Variants in CA12 observed in about 807,000 individuals in gnomAD.
CA12 encodes the protein carbonic anhydrase 12.
In CA12, 36 loss-of-function variants were observed where a neutral mutation model predicts 46.8. The ratio of observed to expected loss-of-function variants is 0.77; its 90% CI spans 0.59 to 1.02. The LOEUF (loss-of-function observed/expected upper bound fraction) is 1.02. CA12 is among the 50% of genes least tolerant of loss of function. The probability of loss-of-function intolerance (pLI) is 0.00; values close to 1 mark genes in which losing one functional copy is unlikely to be tolerated. For synonymous variants in CA12, 202 were observed against 187.0 expected (o/e 1.08, Z -0.65); for missense variants, 436 against 451.4 (o/e 0.97, Z 0.31).
In CA12 at chr15:63,327,988, A is replaced by G; in HGVS notation, c.907+110T>C. The G allele has an allele frequency of 1.9e-6, 2 of 1,029,274 alleles. No individual in the cohort carries two copies. The highest frequency in any genetic ancestry group is 3.1e-6 in the Non-Finnish European group (2 of 655,434). 63.8% of individuals were successfully genotyped at this position (1,029,274 alleles called of 1,614,324 possible). On this transcript the variant is annotated intron_variant, in intron 9 of 10. Transcript: ENST00000178638. This position sits in a 1 kb window ranked among gnomAD's most constrained non-coding sequence, Gnocchi z 4.5. ...TAAGACCCATAGCAAGGAGAGGGCC[A>G]GGAGCCAGAGCAATAGTACAGAGAA...
intron 2 of CA12, among the ~76,000 whole-genome samples, chr15:63,351,137 C>A (rs1341842685): frequency 6.6e-6 from 1 of 152,184 alleles, no homozygotes; most frequent in Non-Finnish European, 1.5e-5. Context: ...TGTGTTATGG[C>A]CTAGATTACA....
In CA12 at chr15:63,369,695, C is replaced by A. The variant is rs531361142; in HGVS notation, c.106+5963G>T. 4.6e-5 allele frequency among the ~76,000 whole-genome samples: 7 copies of A among 152,304 alleles called. 1 individual carries two copies. Among genetic ancestry groups the A allele is most frequent in the African/African-American group, 1.7e-4 (7 of 41,562 alleles). On this transcript the variant is annotated intron_variant, in intron 2 of 10. Transcript: ENST00000178638. ...GATTCTCATCTTGTAGCTAAGGAACCAAGGCTCAGAGAGGTCATTACTTTC... is the reference window on the plus strand; with the variant it reads ...GATTCTCATCTTGTAGCTAAGGAACAAAGGCTCAGAGAGGTCATTACTTTC...
chr15:63,354,178 C>T (rs938949765), intron 2 of CA12, among the ~76,000 whole-genome samples: 6 of 152,040 alleles, frequency 3.9e-5, no homozygotes, highest in African/African-American at 7.2e-5. Flanking sequence ...AAACAGAGGG[C>T]GAGGAATCAA....
intron 8 of CA12, 29 bp downstream of exon 8, chr15:63,338,790 C>A (rs1481804552): frequency 1.2e-6 from 2 of 1,613,228 alleles, no homozygotes; most frequent in Admixed American, 1.7e-5. Flanking sequence ...ACTCCCGCAC[C>A]CCCTCCCCCC....
At chr15:63,335,646 A>G (rs1186721678) in intron 8 of CA12, among the ~76,000 whole-genome samples, 2 of 150,816 alleles carry the variant, frequency 1.3e-5, no homozygotes, top group East Asian at 3.9e-4. Context: ...ATGATTTTTT[A>G]AACATCACTT....
Position 63,340,381 on chromosome 15 carries a change from A to G in CA12, c.654T>C (p.Tyr218=). 3 of 1,614,144 alleles carry G rather than the reference A, an allele frequency of 1.9e-6. No homozygotes were observed. Among genetic ancestry groups the G allele is most frequent in the Non-Finnish European group, 2.5e-6 (3 of 1,180,006 alleles). The change falls in exon 7 of 11, where the codon TAT becomes TAC. Residue 218 remains tyrosine, a synonymous_variant. Transcript: ENST00000178638. This position sits in a 1 kb window ranked among gnomAD's most constrained non-coding sequence, Gnocchi z 4.4. Reference sequence around the variant, plus strand: ...TGGTCAGGGACCCCCGGTAGCGGTAATATTCAGCGGTCCTCTCCGGAAGCA... The same window carrying G: ...TGGTCAGGGACCCCCGGTAGCGGTAGTATTCAGCGGTCCTCTCCGGAAGCA... ...EELLPERTAE[Y]YRYRGSLTTP...
rs1322873236 is a variant in CA12 at position 63,381,787 on chromosome 15, G to T, written c.-67C>A. ...GCTCCCGGTGGCCGCTCGCTCTCCA[G>T]CTGCACACCGGGACCGCGTGCGCGC... On this transcript the variant is annotated 5_prime_UTR_variant, in exon 1 of 11. The change creates a new upstream start codon in the 5' untranslated region. Transcript: ENST00000178638. The T allele has an allele frequency of 1.8e-6, 2 of 1,126,008 alleles. No individual in the cohort carries two copies. Among genetic ancestry groups the T allele is most frequent in the Non-Finnish European group, 2.4e-6 (2 of 825,218 alleles). 69.8% of individuals were successfully genotyped at this position (1,126,008 alleles called of 1,614,324 possible).
intron 4 of CA12, among the ~76,000 whole-genome samples, chr15:63,343,153 A>G (rs1046091527): frequency 2.0e-5 from 3 of 150,876 alleles, no homozygotes; most frequent in East Asian, 1.9e-4. Flanking sequence ...CTAAGCCCCT[A>G]TTTCCTTTTA....
At chr15:63,357,100 G>A (rs141658239) in intron 2 of CA12, among the ~76,000 whole-genome samples, 86 of 152,066 alleles carry the variant, frequency 5.7e-4, no homozygotes, top group African/African-American at 2.0e-3. Flanking sequence ...TTATTTTCAC[G>A]GCACCCTTTA....
In CA12 at chr15:63,323,330, G is replaced by C. The variant is rs985139502; in HGVS notation, c.*2955C>G. ...CCATTAAGCAGCTTCGCGACCTGCA[G>C]CCACACATGCCATAGGCCTCCATCC... On this transcript the variant is annotated 3_prime_UTR_variant, in exon 11 of 11. Coordinates refer to ENST00000178638, the MANE Select transcript of CA12 (RefSeq NM_001218.5). The surrounding 1 kb of genome is among the most constrained non-coding windows in gnomAD (Gnocchi z 5.1). 6.6e-6 allele frequency: 1 copy of C among 152,170 alleles called. No homozygotes were observed. The highest frequency in any genetic ancestry group is 6.5e-5 in the Admixed American group (1 of 15,274). The allele number at this position is 152,170 out of a possible 1,614,324, so 9.4% of individuals were successfully genotyped here. A position where few individuals can be genotyped will look rare whatever the true frequency, so the allele number is the denominator to read the frequency against.
At position 63,323,971 on chromosome 15, in the gene CA12, A is replaced by G. The variant is rs925588485; in HGVS notation, c.*2314T>C. The G allele has an allele frequency of 2.0e-5, 3 of 152,216 alleles. No homozygotes were observed. The highest frequency in any genetic ancestry group is 7.2e-5 in the African/African-American group (3 of 41,440). The allele number at this position is 152,216 out of a possible 1,614,324, so 9.4% of individuals were successfully genotyped here. On this transcript the variant is annotated 3_prime_UTR_variant, in exon 11 of 11. Transcript: ENST00000178638. This position sits in a 1 kb window ranked among gnomAD's most constrained non-coding sequence, Gnocchi z 5.1. ...TCCACCTAGGCATCTGCCATGCAGC[A>G]GAGTTAGGAGCGTGTGGGCGGCTGC...
chr15:63,381,003 G>A (rs986560667), intron 1 of CA12, among the ~76,000 whole-genome samples: 4 of 116,808 alleles, frequency 3.4e-5, no homozygotes, highest in Non-Finnish European at 5.4e-5. Context: ...ATTACAATCA[G>A]AAATATGCTG....
chr15:63,371,841 T>TTTTTTG (rs1555432207), intron 2 of CA12, among the ~76,000 whole-genome samples: 2 of 151,466 alleles, frequency 1.3e-5, no homozygotes, highest in African/African-American at 4.9e-5. Context: ...ACTAGGGTTT[T>TTTTTTG]TTTTGTTTTG....
In CA12 at chr15:63,327,275, C is replaced by CCCCGGGTGTGAAATCATGG; in HGVS notation, c.908-43_908-42insCCATGATTTCACACCCGGG. On this transcript the variant is annotated intron_variant, in intron 9 of 10. Transcript: ENST00000178638. The surrounding 1 kb of genome is among the most constrained non-coding windows in gnomAD (Gnocchi z 4.5). The stretch of plus-strand genomic sequence containing the variant: ...GGGCACACATTACATTCCTTCCTTC[C>CCCCGGGTGTGAAATCATGG]CCTCCATCTTAGCCCATGGCCCCCG... 6.5e-7 allele frequency: 1 copy of CCCCGGGTGTGAAATCATGG among 1,532,220 alleles called. No homozygotes were observed. Among genetic ancestry groups the CCCCGGGTGTGAAATCATGG allele is most frequent in the Non-Finnish European group, 9.0e-7 (1 of 1,110,844 alleles). 94.9% of individuals were successfully genotyped at this position (1,532,220 alleles called of 1,614,324 possible). A position where few individuals can be genotyped will look rare whatever the true frequency, so the allele number is the denominator to read the frequency against.
intron 2 of CA12, among the ~76,000 whole-genome samples, chr15:63,362,569 G>C (rs1220571053): frequency 6.6e-6 from 1 of 152,168 alleles, no homozygotes; most frequent in Admixed American, 6.5e-5. Flanking sequence ...CAATCCCTGG[G>C]GAGTCTGGAA....
intron 2 of CA12, among the ~76,000 whole-genome samples, chr15:63,354,539 C>G (rs1005328037): frequency 1.3e-5 from 2 of 152,196 alleles, no homozygotes; most frequent in South Asian, 2.1e-4. Flanking sequence ...GCCTGGGCAA[C>G]ATAGCAAGAC....
intron 2 of CA12, among the ~76,000 whole-genome samples, chr15:63,358,345 A>T (rs12437741): frequency 6.6e-6 from 1 of 152,226 alleles, no homozygotes; most frequent in South Asian, 2.1e-4. Flanking sequence ...AGAAAACTTC[A>T]AATGATCATG....
intron 2 of CA12, among the ~76,000 whole-genome samples, chr15:63,365,419 A>G (rs2039424938): frequency 2.0e-5 from 3 of 152,230 alleles, no homozygotes; most frequent in African/African-American, 7.2e-5. Context: ...TAAGAGGCCC[A>G]AGTTCTGACT....
At chr15:63,334,166 C>T (rs1239098935) in intron 8 of CA12, among the ~76,000 whole-genome samples, 1 of 151,796 alleles carries the variant, frequency 6.6e-6, no homozygotes, top group Non-Finnish European at 1.5e-5. Context: ...CGTGTCCCCT[C>T]CCAGGGGCCC....
Sources: gnomAD v4.1 joint callset for allele counts (sites outside exome capture counted in the v4.1 genomes callset) on GRCh38, gnomAD v4.1.1 for gene constraint, Gnocchi (gnomAD v3.1) non-coding constraint, MANE v1.5 for transcripts, NCBI Gene and HGNC (gene_info 2026-07-23, HGNC 2026-07-21) for gene names.